Variants in FEM1A observed in about 807,000 individuals in gnomAD.
The protein encoded by FEM1A is fem-1 homolog A, also known as protein fem-1 homolog A.
A neutral mutation model predicts 0.7 loss-of-function variants in FEM1A; 1 was observed. The observed-to-expected ratio is 1.35, with a 90% CI of 0.48 to 6.40. The LOEUF (loss-of-function observed/expected upper bound fraction) is 6.40, where lower values mean the gene tolerates loss of function less well. FEM1A is among the 30% of genes most tolerant of loss of function. The probability of loss-of-function intolerance (pLI) is 0.14; values close to 1 mark genes in which losing one functional copy is unlikely to be tolerated. For synonymous variants in FEM1A, 391 were observed against 420.6 expected (o/e 0.93, Z 0.86); for missense variants, 721 against 918.7 (o/e 0.78, Z 2.78).
chr19:4,792,954 C>T lies in FEM1A; in HGVS notation c.1100C>T (p.Pro367Leu). ...GAGCTGGAGGCGCTGATCACCGACC[C>T]GGATGAGATGCGCATGCAGGCCCTG... The part of the protein sequence containing the change: ...TEELEALITD[P>L]DEMRMQALLI... Residue 367 changes from proline to leucine, a missense_variant, in exon 1 of 1, where the codon CCG becomes CTG. Pro to Leu is a moderately conservative substitution (Grantham distance 98, BLOSUM62 -3). Transcript: ENST00000269856. The surrounding 1 kb of genome is among the most constrained non-coding windows in gnomAD (Gnocchi z 6.7). 1 of 1,612,722 alleles carries T rather than the reference C, an allele frequency of 6.2e-7. No homozygotes were observed. The highest frequency in any genetic ancestry group is 8.5e-7 in the Non-Finnish European group (1 of 1,179,914).
rs60796362 is a variant in FEM1A at position 4,797,594 on chromosome 19, AAG to A, written c.*3735_*3736del. Reference sequence around the variant, plus strand: ...TGTCCCAAGATGACCGCCAGCAGAAAAGAGAGCATCTTTCTCCCAGTCAAAAG... The same window carrying A: ...TGTCCCAAGATGACCGCCAGCAGAAAAGAGCATCTTTCTCCCAGTCAAAAG... On this transcript the variant is annotated 3_prime_UTR_variant, in exon 1 of 1. Coordinates refer to ENST00000269856, the MANE Select transcript of FEM1A (RefSeq NM_018708.3). The A allele has an allele frequency of 0.19, 29,133 of 151,642 alleles. 2,998 individuals carry two copies. Among genetic ancestry groups the A allele is most frequent in the African/African-American group, 0.22 (9,282 of 41,270 alleles). The allele number at this position is 151,642 out of a possible 1,614,324, so 9.4% of individuals were successfully genotyped here.
Position 4,791,845 on chromosome 19 carries a change from G to A in FEM1A, c.-10G>A. Reference sequence around the variant, plus strand: ...GGCGGCCGGCCCATGGCCTGGCGGAGGCCCGAACCATGGACCTCCGCACCG... The same window carrying A: ...GGCGGCCGGCCCATGGCCTGGCGGAAGCCCGAACCATGGACCTCCGCACCG... On this transcript the variant is annotated 5_prime_UTR_variant, in exon 1 of 1. Transcript: ENST00000269856. 6.7e-7 allele frequency: 1 copy of A among 1,498,804 alleles called. No homozygotes were observed. The highest frequency in any genetic ancestry group is 1.2e-5 in the South Asian group (1 of 81,074). The allele number at this position is 1,498,804 out of a possible 1,614,324, so 92.8% of individuals were successfully genotyped here. A position where few individuals can be genotyped will look rare whatever the true frequency, so the allele number is the denominator to read the frequency against.
rs779584785 is a variant in FEM1A at position 4,792,929 on chromosome 19, G to A, written c.1075G>A (p.Glu359Lys). 3 of 1,612,390 alleles carry A rather than the reference G, an allele frequency of 1.9e-6. No individual in the cohort carries two copies. The highest frequency in any genetic ancestry group is 1.3e-5 in the African/African-American group (1 of 74,964). The part of the protein sequence containing the change: ...DYSREVNTTE[E>K]LEALITDPDE... Reference sequence around the variant, plus strand: ...TTCCAGGGAGGTCAACACCACCGAGGAGCTGGAGGCGCTGATCACCGACCC... The same window carrying A: ...TTCCAGGGAGGTCAACACCACCGAGAAGCTGGAGGCGCTGATCACCGACCC... The change falls in exon 1 of 1, where the codon GAG (glutamate) becomes AAG (lysine). Residue 359 changes from glutamate to lysine, a missense_variant. Transcript: ENST00000269856. The surrounding 1 kb of genome is among the most constrained non-coding windows in gnomAD (Gnocchi z 6.7).
rs1462390150 is a variant in FEM1A, at chr19:4,799,696, G to T, written c.*5832G>T. The T allele has an allele frequency of 6.6e-6, 1 of 151,706 alleles. No homozygotes were observed. The highest frequency in any genetic ancestry group is 1.5e-5 in the Non-Finnish European group (1 of 67,946). The allele number at this position is 151,706 out of a possible 1,614,324, so 9.4% of individuals were successfully genotyped here. On this transcript the variant is annotated 3_prime_UTR_variant, in exon 1 of 1. Coordinates refer to ENST00000269856, the MANE Select transcript of FEM1A (RefSeq NM_018708.3). ...CCGAGGCGGGCGGATCACGAGGTCA[G>T]GAGATCAAGACCATCCTGGCTAACA...
At position 4,797,084 on chromosome 19, in the gene FEM1A, A is replaced by G. The variant is rs1391799040; in HGVS notation, c.*3220A>G. On this transcript the variant is annotated 3_prime_UTR_variant, in exon 1 of 1. Transcript: ENST00000269856. ...ACACAACAGCCCTCTAAAGGAGGAAAAACATATCAGAGTCCCATGGATGGA... is the reference window on the plus strand; with the variant it reads ...ACACAACAGCCCTCTAAAGGAGGAAGAACATATCAGAGTCCCATGGATGGA... 2 of 152,106 alleles carry G rather than the reference A, an allele frequency of 1.3e-5. No homozygotes were observed. The highest frequency in any genetic ancestry group is 2.9e-5 in the Non-Finnish European group (2 of 68,024). The allele number at this position is 152,106 out of a possible 1,614,324, so 9.4% of individuals were successfully genotyped here.
rs1295971069 is a variant in FEM1A at position 4,792,791 on chromosome 19, C to T, written c.937C>T (p.Arg313Ter). ...LLGATYVDKK[R>*]DLLGALKHWR... ...GGGAGCTACGTATGTGGATAAGAAACGAGATCTGCTTGGGGCCCTTAAACA... is the reference window on the plus strand; with the variant it reads ...GGGAGCTACGTATGTGGATAAGAAATGAGATCTGCTTGGGGCCCTTAAACA... The change falls in exon 1 of 1, where the codon CGA (arginine) becomes TGA (stop). Residue 313 changes from arginine (R) to a stop codon, truncating the protein, a stop_gained. Coordinates refer to ENST00000269856, the MANE Select transcript of FEM1A (RefSeq NM_018708.3). LOFTEE classifies it low-confidence loss of function (END_TRUNC). This position sits in a 1 kb window ranked among gnomAD's most constrained non-coding sequence, Gnocchi z 6.7. 6.2e-7 allele frequency: 1 copy of T among 1,612,198 alleles called. No individual in the cohort carries two copies. Among genetic ancestry groups the T allele is most frequent in the Admixed American group, 1.7e-5 (1 of 60,012 alleles).
rs267605510 is a variant in FEM1A, at chr19:4,793,530, C to T, written c.1676C>T (p.Pro559Leu). 11 of 1,613,110 alleles carry T rather than the reference C, an allele frequency of 6.8e-6. No homozygotes were observed. The highest frequency in any genetic ancestry group is 9.3e-6 in the Non-Finnish European group (11 of 1,179,860). The change falls in exon 1 of 1, where the codon CCC becomes CTC. Residue 559 changes from proline to leucine, a missense_variant. Physicochemically the swap from Pro to Leu is moderately conservative, Grantham distance 98. This residue lies in a region of FEM1A where 379 missense variants were observed against 454.8 expected (regional missense o/e 0.83). Transcript: ENST00000269856. The surrounding 1 kb of genome is among the most constrained non-coding windows in gnomAD (Gnocchi z 5.1). The stretch of plus-strand genomic sequence containing the variant: ...GGCCGCTATCCCGTGGGCAGATTCC[C>T]CTCCCTGCACGTGGTCAAAGTGCTG... ...NVGRYPVGRF[P>L]SLHVVKVLLD... is the part of the protein sequence containing the mutation.
Position 4,791,741 on chromosome 19 carries a change from C to A in FEM1A, c.-114C>A. On this transcript the variant is annotated 5_prime_UTR_variant, in exon 1 of 1. Transcript: ENST00000269856. ...AGCCATTTTGTTCCGCCCGAGGAGA[C>A]CCTAAGATGGCGGCGAGGGGGACGG... is the stretch of plus-strand genomic sequence containing the variant. The A allele has an allele frequency of 8.8e-7, 1 of 1,137,648 alleles. No individual in the cohort carries two copies. The allele number at this position is 1,137,648 out of a possible 1,614,324, so 70.5% of individuals were successfully genotyped here. A position where few individuals can be genotyped will look rare whatever the true frequency, so the allele number is the denominator to read the frequency against.
Position 4,800,474 on chromosome 19 carries a change from T to G in FEM1A, c.*6610T>G, listed in dbSNP as rs1600041508. The G allele has an allele frequency of 6.6e-6, 1 of 152,240 alleles. No individual in the cohort carries two copies. The highest frequency in any genetic ancestry group is 1.5e-5 in the Non-Finnish European group (1 of 68,070). The allele number at this position is 152,240 out of a possible 1,614,324, so 9.4% of individuals were successfully genotyped here. On this transcript the variant is annotated 3_prime_UTR_variant, in exon 1 of 1. Coordinates refer to ENST00000269856, the MANE Select transcript of FEM1A (RefSeq NM_018708.3). ...ACAGAACTGAAGTCGGGACCTGGAGTTCTGCTCATTCGCTCATCTACTCAG... is the reference window on the plus strand; with the variant it reads ...ACAGAACTGAAGTCGGGACCTGGAGGTCTGCTCATTCGCTCATCTACTCAG...
chr19:4,793,494 C>G lies in FEM1A; in HGVS notation c.1640C>G (p.Thr547Ser). ...TPLHMAVDKD[T>S]TNVGRYPVGR... The stretch of plus-strand genomic sequence containing the variant: ...CTGCACATGGCTGTGGACAAGGACA[C>G]CACAAACGTGGGCCGCTATCCCGTG... The change falls in exon 1 of 1, where the codon ACC (threonine) becomes AGC (serine). Residue 547 changes from threonine (T) to serine (S), a missense_variant. By Grantham distance (58) the Thr-to-Ser change is moderately conservative (BLOSUM62 1). Around this residue, in one of 4 missense-constraint regions of FEM1A, gnomAD observed 379 missense variants for 454.8 expected, o/e 0.83. Transcript: ENST00000269856. This position sits in a 1 kb window ranked among gnomAD's most constrained non-coding sequence, Gnocchi z 5.1. 4 of 1,612,884 alleles carry G rather than the reference C, an allele frequency of 2.5e-6. No homozygotes were observed. The highest frequency in any genetic ancestry group is 3.4e-6 in the Non-Finnish European group (4 of 1,179,860).
At position 4,792,159 on chromosome 19, in the gene FEM1A, T is replaced by A. The variant is rs2093555198; in HGVS notation, c.305T>A (p.Leu102Gln). The change falls in exon 1 of 1, where the codon CTG becomes CAG. Residue 102 changes from leucine to glutamine, a missense_variant. Leu to Gln is a moderately radical substitution (Grantham distance 113). Coordinates refer to ENST00000269856, the MANE Select transcript of FEM1A (RefSeq NM_018708.3). The surrounding 1 kb of genome is among the most constrained non-coding windows in gnomAD (Gnocchi z 6.7). ...GGCCACCTGGACGTGGTGCGGAGCC[T>A]GCTGCGCCGCGGGGCCTCGGTGAAC... ...AAGHLDVVRS[L>Q]LRRGASVNRT... is the part of the protein sequence containing the mutation. The A allele has an allele frequency of 6.6e-7, 1 of 1,515,428 alleles. No homozygotes were observed. The highest frequency in any genetic ancestry group is 1.4e-5 in the African/African-American group (1 of 72,028). 93.9% of individuals were successfully genotyped at this position (1,515,428 alleles called of 1,614,324 possible).
rs949895083 is a variant in FEM1A at position 4,794,843 on chromosome 19, A to C, written c.*979A>C. 1.8e-5 allele frequency: 3 copies of C among 166,950 alleles called. No homozygotes were observed. The highest frequency in any genetic ancestry group is 1.3e-4 in the Admixed American group (2 of 15,258). The allele number at this position is 166,950 out of a possible 1,614,324, so 10.3% of individuals were successfully genotyped here. A position where few individuals can be genotyped will look rare whatever the true frequency, so the allele number is the denominator to read the frequency against. On this transcript the variant is annotated 3_prime_UTR_variant, in exon 1 of 1. Transcript: ENST00000269856. ...ATCAGGAGTGACCACAAAGCCTGAA[A>C]ACACTTTGCCACCCAGCAAAGAACT...
chr19:4,792,454 G>A lies in FEM1A; in HGVS notation c.600G>A (p.Gln200=). 6.3e-7 allele frequency: 1 copy of A among 1,596,746 alleles called. No homozygotes were observed. The highest frequency in any genetic ancestry group is 8.5e-7 in the Non-Finnish European group (1 of 1,179,602). ...AGTCCGGCAGCCTGGAGATCCTGCAGCTGCTGCTGGGGTGCAAGGCCCGCA... is the reference window on the plus strand; with the variant it reads ...AGTCCGGCAGCCTGGAGATCCTGCAACTGCTGCTGGGGTGCAAGGCCCGCA... The part of the protein sequence containing the change: ...CAESGSLEIL[Q]LLLGCKARME... The change falls in exon 1 of 1, where the codon CAG becomes CAA. Residue 200 remains glutamine (Q), a synonymous_variant. Coordinates refer to ENST00000269856, the MANE Select transcript of FEM1A (RefSeq NM_018708.3). This position sits in a 1 kb window ranked among gnomAD's most constrained non-coding sequence, Gnocchi z 6.7.
In FEM1A at chr19:4,792,546, T is replaced by C; in HGVS notation, c.692T>C (p.Val231Ala). 1.2e-6 allele frequency: 2 copies of C among 1,603,208 alleles called. 1 individual carries two copies. Among genetic ancestry groups the C allele is most frequent in the East Asian group, 4.5e-5 (2 of 44,864 alleles). The change falls in exon 1 of 1, where the codon GTG (valine) becomes GCG (alanine). Residue 231 changes from valine to alanine, a missense_variant. Around this residue, in one of 4 missense-constraint regions of FEM1A, gnomAD observed 137 missense variants for 121.7 expected, o/e 1.13. Coordinates refer to ENST00000269856, the MANE Select transcript of FEM1A (RefSeq NM_018708.3). This position sits in a 1 kb window ranked among gnomAD's most constrained non-coding sequence, Gnocchi z 6.7. ...AASVTGHTNI[V>A]EYLIQEQPGQ... Reference sequence around the variant, plus strand: ...AGCGTGACGGGCCACACCAACATCGTGGAGTACCTCATCCAGGAGCAGCCC... The same window carrying C: ...AGCGTGACGGGCCACACCAACATCGCGGAGTACCTCATCCAGGAGCAGCCC...
At position 4,792,613 on chromosome 19, in the gene FEM1A, G is replaced by T. The variant is rs549504427; in HGVS notation, c.759G>T (p.Leu253=). Residue 253 remains leucine, a synonymous_variant, in exon 1 of 1, where the codon CTG becomes CTT. Transcript: ENST00000269856. This position sits in a 1 kb window ranked among gnomAD's most constrained non-coding sequence, Gnocchi z 6.7. ...QVAGGEAQPG[L]PQEDPSTSQG... ...CAGGGGGAGAGGCTCAGCCTGGGCTGCCCCAAGAAGACCCCTCCACCAGCC... is the reference window on the plus strand; with the variant it reads ...CAGGGGGAGAGGCTCAGCCTGGGCTTCCCCAAGAAGACCCCTCCACCAGCC... 6.2e-7 allele frequency: 1 copy of T among 1,611,354 alleles called. No individual in the cohort carries two copies. The highest frequency in any genetic ancestry group is 1.7e-5 in the Admixed American group (1 of 60,012).
Position 4,794,783 on chromosome 19 carries a change from TCTC to T in FEM1A, c.*922_*924del, listed in dbSNP as rs1387225823. The T allele has an allele frequency of 6.0e-6, 1 of 166,886 alleles. No homozygotes were observed. Among genetic ancestry groups the T allele is most frequent in the Non-Finnish European group, 1.5e-5 (1 of 68,098 alleles). The allele number at this position is 166,886 out of a possible 1,614,324, so 10.3% of individuals were successfully genotyped here. A position where few individuals can be genotyped will look rare whatever the true frequency, so the allele number is the denominator to read the frequency against. On this transcript the variant is annotated 3_prime_UTR_variant, in exon 1 of 1. Coordinates refer to ENST00000269856, the MANE Select transcript of FEM1A (RefSeq NM_018708.3). The stretch of plus-strand genomic sequence containing the variant: ...TTTACAGGCCTTTCCAAGTTTCCAT[TCTC>T]CTTAGAGAGAGAACTGTGCTTCCAA...
rs573083365 is a variant in FEM1A at position 4,796,351 on chromosome 19, C to G, written c.*2487C>G. ...GGACTACAGGCATACACCACCATGC[C>G]TGGCTAATTGTGTATTTTTAGCAGA... On this transcript the variant is annotated 3_prime_UTR_variant, in exon 1 of 1. Coordinates refer to ENST00000269856, the MANE Select transcript of FEM1A (RefSeq NM_018708.3). 6.6e-6 allele frequency: 1 copy of G among 152,204 alleles called. No individual in the cohort carries two copies. The highest frequency in any genetic ancestry group is 1.5e-5 in the Non-Finnish European group (1 of 68,046). The allele number at this position is 152,204 out of a possible 1,614,324, so 9.4% of individuals were successfully genotyped here. A position where few individuals can be genotyped will look rare whatever the true frequency, so the allele number is the denominator to read the frequency against.
At position 4,793,605 on chromosome 19, in the gene FEM1A, C is replaced by T; in HGVS notation, c.1751C>T (p.Pro584Leu). Reference protein sequence around the residue: ...PDSRDFDNNTPLHIAAQNNCP... With the variant: ...PDSRDFDNNTLLHIAAQNNCP... The stretch of plus-strand genomic sequence containing the variant: ...AGCAGGGATTTTGACAACAACACCC[C>T]GCTACACATAGCAGCCCAGAACAAC... Residue 584 changes from proline to leucine, a missense_variant, in exon 1 of 1, where the codon CCG (proline) becomes CTG (leucine). By Grantham distance (98) the Pro-to-Leu change is moderately conservative (BLOSUM62 -3). Transcript: ENST00000269856. This position sits in a 1 kb window ranked among gnomAD's most constrained non-coding sequence, Gnocchi z 5.1. 2 of 1,612,802 alleles carry T rather than the reference C, an allele frequency of 1.2e-6. No individual in the cohort carries two copies. The highest frequency in any genetic ancestry group is 8.5e-7 in the Non-Finnish European group (1 of 1,179,834).
In FEM1A at chr19:4,796,706, C is replaced by A. The variant is rs2093561498; in HGVS notation, c.*2842C>A. On this transcript the variant is annotated 3_prime_UTR_variant, in exon 1 of 1. Transcript: ENST00000269856. ...AGGATTGAGCTGTCGATATGAACGTCCGGTTAATCCCTGTGCGCCCGCCTC... is the reference window on the plus strand; with the variant it reads ...AGGATTGAGCTGTCGATATGAACGTACGGTTAATCCCTGTGCGCCCGCCTC... 1 of 152,310 alleles carries A rather than the reference C, an allele frequency of 6.6e-6. No individual in the cohort carries two copies. The highest frequency in any genetic ancestry group is 1.5e-5 in the Non-Finnish European group (1 of 68,126). The allele number at this position is 152,310 out of a possible 1,614,324, so 9.4% of individuals were successfully genotyped here.
Sources: gnomAD v4.1 joint callset for allele counts on GRCh38, gnomAD v4.1.1 for gene constraint, gnomAD v4.1.1 regional missense constraint, Gnocchi (gnomAD v3.1) non-coding constraint, MANE v1.5 for transcripts, NCBI Gene and HGNC (gene_info 2026-07-23, HGNC 2026-07-21) for gene names.